ZBTB46: variants seen among roughly 807,000 people sequenced by gnomAD.
ZBTB46 encodes zinc finger and BTB domain containing 46.
Under a neutral mutation model 44.1 loss-of-function variants are expected in ZBTB46, and 8 were observed. The ratio of observed to expected loss-of-function variants is 0.18; its 90% CI spans 0.11 to 0.33. ZBTB46 has a LOEUF of 0.33. Ranked by LOEUF, ZBTB46 falls within the 10% of genes least tolerant of loss-of-function variation. ZBTB46 has a pLI of 1.00. For missense variants in ZBTB46, 651 were observed against 847.7 expected, an observed-to-expected ratio of 0.77 and a Z score of 2.88; for synonymous variants, 409 against 382.3, an observed-to-expected ratio of 1.07 and a Z score of -0.81.
intron 3 of ZBTB46, among the ~76,000 whole-genome samples, chr20:63,764,895 G>A (rs1038760539): frequency 1.3e-5 from 2 of 151,560 alleles, no homozygotes; most frequent in South Asian, 4.2e-4. Flanking sequence ...CACTGCACCT[G>A]GCCCTCTGGC....
intron 2 of ZBTB46, among the ~76,000 whole-genome samples, chr20:63,788,464 C>T (rs2092533577): frequency 6.6e-6 from 1 of 152,200 alleles, no homozygotes; most frequent in Admixed American, 6.5e-5. Flanking sequence ...TGACGTCCAG[C>T]TTCAACAGAG....
chr20:63,769,936 G>A (rs1256452216), intron 3 of ZBTB46, among the ~76,000 whole-genome samples: 1 of 152,258 alleles, frequency 6.6e-6, no homozygotes, highest in Non-Finnish European at 1.5e-5. Context: ...CATCTCCACG[G>A]CCACCTTCTC....
At chr20:63,793,694 C>A (rs2092579063) in intron 1 of ZBTB46, among the ~76,000 whole-genome samples, 2 of 152,188 alleles carry the variant, frequency 1.3e-5, no homozygotes, top group South Asian at 4.1e-4. Flanking sequence ...CAACGGTCCA[C>A]ACCTCCACGT....
intron 1 of ZBTB46, among the ~76,000 whole-genome samples, chr20:63,798,534 G>A (rs1262130998): frequency 1.3e-5 from 2 of 151,756 alleles, no homozygotes; most frequent in African/African-American, 4.8e-5. Flanking sequence ...AATTAGCCGG[G>A]CATGGTGGCA....
intron 1 of ZBTB46, among the ~76,000 whole-genome samples, chr20:63,795,396 C>T (rs2092594835): frequency 6.6e-6 from 1 of 152,222 alleles, no homozygotes; most frequent in African/African-American, 2.4e-5. Flanking sequence ...GCAGGCTCTG[C>T]CCCAGGTGCA....
At chr20:63,766,832 G>A (rs6122164) in intron 3 of ZBTB46, among the ~76,000 whole-genome samples, 2 of 152,344 alleles carry the variant, frequency 1.3e-5, no homozygotes, top group East Asian at 1.9e-4. Context: ...GGGACCGTCC[G>A]GAAAGGGGAT....
chr20:63,811,438 T>C (rs1328462726), intron 1 of ZBTB46, among the ~76,000 whole-genome samples: 6 of 152,078 alleles, frequency 3.9e-5, no homozygotes, highest in Non-Finnish European at 7.4e-5. Flanking sequence ...GGAGCAGAAG[T>C]AAGTTCTTCC....
At chr20:63,823,518 A>AAATAAAT (rs1434514234) in intron 1 of ZBTB46, among the ~76,000 whole-genome samples, 9 of 151,554 alleles carry the variant, frequency 5.9e-5, no homozygotes, top group African/African-American at 1.7e-4. Context: ...ATAAATAAAT[A>AAATAAAT]AGATAAAATA....
chr20:63,766,360 C>T (rs1381484582), intron 3 of ZBTB46, among the ~76,000 whole-genome samples: 3 of 151,714 alleles, frequency 2.0e-5, no homozygotes, highest in Non-Finnish European at 2.9e-5. Context: ...GGATTACAGG[C>T]GCCCGCCACC....
Position 63,749,604 on chromosome 20 carries a change from G to A in ZBTB46, c.1399-2303C>T, listed in dbSNP as rs944122270. ...GCCCGCCTTGGCCTCCCAAAGTGCT[G>A]GGATTACAGGCGTCAGCCACCGCGC... is the stretch of plus-strand genomic sequence containing the variant. On this transcript the variant is annotated intron_variant, in intron 4 of 4. Transcript: ENST00000245663. 5.9e-5 allele frequency among the ~76,000 whole-genome samples: 9 copies of A among 152,308 alleles called. No homozygotes were observed. In the South Asian group the frequency reaches 6.2e-4, roughly 11 times the overall value.
At chr20:63,759,357 T>C (rs554271934) in intron 3 of ZBTB46, among the ~76,000 whole-genome samples, 3 of 152,324 alleles carry the variant, frequency 2.0e-5, no homozygotes, top group South Asian at 2.1e-4. Context: ...CTACAAATGA[T>C]GCTTTTACTT....
chr20:63,791,017 G>A (rs892088528), intron 1 of ZBTB46: 9 of 501,794 alleles, frequency 1.8e-5, no homozygotes, highest in Admixed American at 3.6e-5. Context: ...CGTCTGCCAC[G>A]TGTTTCCGTG....
chr20:63,758,083 A>G (rs1194460486), intron 3 of ZBTB46, among the ~76,000 whole-genome samples: 1 of 21,886 alleles, frequency 4.6e-5, no homozygotes, highest in Non-Finnish European at 7.4e-5. Context: ...GCCCATCCAG[A>G]GCTCACACTC....
rs140280932 is a variant in ZBTB46 at position 63,752,818 on chromosome 20, G to A, written c.1266C>T (p.Tyr422=). 3,332 of 1,612,394 alleles carry A rather than the reference G, an allele frequency of 2.1e-3. 51 individuals carry two copies. The South Asian group carries it at 0.025, about 12-fold the overall frequency. ...ACTGGTGCATGGCCGAGAAGCTGCA[G>A]TACGGACACTTGAACTTCTTCCTGA... ...TVIRKKFKCP[Y]CSFSAMHQCI... Residue 422 remains tyrosine (Y), a synonymous_variant, in exon 4 of 5, where the codon TAC becomes TAT. Coordinates refer to ENST00000245663, the MANE Select transcript of ZBTB46 (RefSeq NM_001369741.1). This position sits in a 1 kb window ranked among gnomAD's most constrained non-coding sequence, Gnocchi z 5.6.
chr20:63,797,475 G>A (rs2092612580), intron 1 of ZBTB46, among the ~76,000 whole-genome samples: 1 of 152,168 alleles, frequency 6.6e-6, no homozygotes, highest in South Asian at 2.1e-4. Flanking sequence ...GTGTGCATGT[G>A]TCTTTATAGC....
At chr20:63,831,510 C>T (rs1057058030), upstream of ZBTB46, among the ~76,000 whole-genome samples, 1 of 147,128 alleles carries the variant, frequency 6.8e-6, no homozygotes, top group Non-Finnish European at 1.5e-5. Flanking sequence ...TTCTCCCCCC[C>T]GCGGGCAGCC....
intron 1 of ZBTB46, among the ~76,000 whole-genome samples, chr20:63,825,171 C>G (rs1002815192): frequency 6.6e-6 from 1 of 151,620 alleles, no homozygotes; most frequent in African/African-American, 2.4e-5. Context: ...GAGACCGAGG[C>G]AGGCGGATCA....
At chr20:63,813,053 G>T (rs750880452) in intron 1 of ZBTB46, among the ~76,000 whole-genome samples, 3 of 150,958 alleles carry the variant, frequency 2.0e-5, no homozygotes, top group Non-Finnish European at 4.4e-5. Context: ...AGCCGAGATC[G>T]CACCACTATA....
At chr20:63,786,010 C>G (rs1470993804) in intron 2 of ZBTB46, among the ~76,000 whole-genome samples, 2 of 152,234 alleles carry the variant, frequency 1.3e-5, no homozygotes, top group Non-Finnish European at 2.9e-5. Context: ...CCTGCATCGA[C>G]TCTCATAATA....
Sources: gnomAD v4.1 joint callset for allele counts (sites outside exome capture counted in the v4.1 genomes callset) on GRCh38, gnomAD v4.1.1 for gene constraint, Gnocchi (gnomAD v3.1) non-coding constraint, MANE v1.5 for transcripts, NCBI Gene and HGNC (gene_info 2026-07-23, HGNC 2026-07-21) for gene names.